The following PLBD1 variants were observed in gnomAD, a reference collection of about 807,000 sequenced individuals.
PLBD1 encodes the protein phospholipase B domain containing 1.
PLBD1 carries 60 observed loss-of-function variants against 63.0 expected under a neutral mutation model. The observed-to-expected ratio is 0.95, with a 90% CI of 0.77 to 1.18. The LOEUF (loss-of-function observed/expected upper bound fraction) is 1.18. Among genes scored for constraint, PLBD1 ranks in the 50% most tolerant of loss-of-function variants. The pLI is 0.00. For missense variants in PLBD1, 598 were observed against 677.9 expected, an observed-to-expected ratio of 0.88 and a Z score of 1.31; for synonymous variants, 262 against 248.0, an observed-to-expected ratio of 1.06 and a Z score of -0.53.
At chr12:14,547,746 C>T (rs987883488) in intron 2 of PLBD1, among the ~76,000 whole-genome samples, 1 of 152,160 alleles carries the variant, frequency 6.6e-6, no homozygotes, top group Admixed American at 6.5e-5. Flanking sequence ...AATAACACAT[C>T]ATTTAGCACC....
chr12:14,557,835 A>T (rs1350958868), intron 1 of PLBD1, among the ~76,000 whole-genome samples: 1 of 152,092 alleles, frequency 6.6e-6, no homozygotes, highest in Admixed American at 6.5e-5. Context: ...TTAAAATAAA[A>T]GTTAAAAACA....
intron 6 of PLBD1, among the ~76,000 whole-genome samples, chr12:14,529,904 C>A (rs1945445889): frequency 6.6e-6 from 1 of 152,148 alleles, no homozygotes; most frequent in Non-Finnish European, 1.5e-5. Context: ...AGAAAGATCT[C>A]AGGATAATAA....
intron 6 of PLBD1, among the ~76,000 whole-genome samples, chr12:14,520,762 A>G (rs946398919): frequency 1.3e-5 from 2 of 152,194 alleles, no homozygotes; most frequent in Non-Finnish European, 2.9e-5. Context: ...CAGTCTCCCT[A>G]CGGAGAAAAC....
At chr12:14,566,446 GA>G (rs1945782561) in intron 1 of PLBD1, among the ~76,000 whole-genome samples, 1 of 152,162 alleles carries the variant, frequency 6.6e-6, no homozygotes, top group African/African-American at 2.4e-5. Context: ...GGTCAGCACA[GA>G]AAAGGGGATT....
intron 6 of PLBD1, among the ~76,000 whole-genome samples, chr12:14,525,778 C>A (rs1302650118): frequency 6.6e-6 from 1 of 151,806 alleles, no homozygotes; most frequent in Non-Finnish European, 1.5e-5. Flanking sequence ...AATCATAACA[C>A]CATATTGGTG....
chr12:14,531,089 T>A (rs1260244283), intron 6 of PLBD1: 2 of 152,200 alleles, frequency 1.3e-5, no homozygotes, highest in African/African-American at 2.4e-5. Flanking sequence ...TATTTAAAAA[T>A]TCATCAGTAC....
intron 6 of PLBD1, among the ~76,000 whole-genome samples, chr12:14,521,623 G>A (rs1408325887): frequency 5.3e-5 from 8 of 151,996 alleles, no homozygotes; most frequent in Admixed American, 1.3e-4. Context: ...CTCCACAACC[G>A]ACACCTTAGG....
chr12:14,536,476 T>A, intron 5 of PLBD1, 94 bp downstream of exon 5: 5 of 1,375,534 alleles, frequency 3.6e-6, no homozygotes, highest in Non-Finnish European at 4.0e-6. Flanking sequence ...TATACAGTTA[T>A]AGCCAGGGGT....
Position 14,561,046 on chromosome 12 carries a change from G to A in PLBD1, c.115+6536C>T, listed in dbSNP as rs377389859. ...GTGATTTCAGAGACGCCCTGAGGTG[G>A]AAATTAAGAGATTTCTACAGTGAGG... On this transcript the variant is annotated intron_variant, in intron 1 of 10. Transcript: ENST00000240617. Among the ~76,000 whole-genome samples the A allele has an allele frequency of 2.7e-4, 41 of 151,840 alleles. No homozygotes were observed. In the East Asian group the frequency reaches 4.5e-3, roughly 16 times the overall value.
intron 6 of PLBD1, among the ~76,000 whole-genome samples, chr12:14,532,526 G>A (rs1174395131): frequency 1.3e-5 from 2 of 152,150 alleles, no homozygotes; most frequent in Non-Finnish European, 2.9e-5. Flanking sequence ...TGTGACCACC[G>A]TTCTGACAGC....
intron 2 of PLBD1, among the ~76,000 whole-genome samples, chr12:14,550,119 C>G (rs767255431): frequency 3.3e-5 from 5 of 152,234 alleles, no homozygotes; most frequent in Non-Finnish European, 7.3e-5. Flanking sequence ...GCCTACAACT[C>G]ACTTCTTCCA....
intron 1 of PLBD1, among the ~76,000 whole-genome samples, chr12:14,562,739 C>A (rs1267857571): frequency 6.6e-6 from 1 of 152,122 alleles, no homozygotes; most frequent in Non-Finnish European, 1.5e-5. Flanking sequence ...AACCTAAATG[C>A]ATAAAAATTA....
At chr12:14,551,945 A>G (rs1186944358) in intron 2 of PLBD1, among the ~76,000 whole-genome samples, 1 of 152,254 alleles carries the variant, frequency 6.6e-6, no homozygotes, top group African/African-American at 2.4e-5. Flanking sequence ...TTATAAATCT[A>G]TGAATAGTAC....
chr12:14,537,893 C>CAA, intron 4 of PLBD1, among the ~76,000 whole-genome samples: 1 of 151,954 alleles, frequency 6.6e-6, no homozygotes, highest in East Asian at 1.9e-4. Flanking sequence ...TCCTCCTTTA[C>CAA]CTGTTCTCCA....
chr12:14,510,045 G>A (rs1187894847), intron 8 of PLBD1, among the ~76,000 whole-genome samples: 2 of 151,950 alleles, frequency 1.3e-5, no homozygotes, highest in East Asian at 3.9e-4. Context: ...CAGTCTCTTT[G>A]GGAAACACCT....
At chr12:14,567,473 G>A (rs1454098375) in intron 1 of PLBD1, 109 bp downstream of exon 1, 9 of 1,358,494 alleles carry the variant, frequency 6.6e-6, no homozygotes, top group Non-Finnish European at 8.5e-6. Context: ...AGTTCACCCA[G>A]GAACCAGACG....
chr12:14,523,734 C>A (rs1339792564), intron 6 of PLBD1, among the ~76,000 whole-genome samples: 3 of 152,096 alleles, frequency 2.0e-5, no homozygotes, highest in Admixed American at 2.0e-4. Flanking sequence ...GGAAAAAATT[C>A]TCTTTGATAA....
chr12:14,545,884 G>T (rs1002849477), intron 2 of PLBD1, among the ~76,000 whole-genome samples: 6 of 151,692 alleles, frequency 4.0e-5, no homozygotes, highest in Non-Finnish European at 7.4e-5. Flanking sequence ...TTTACATATA[G>T]TTTATGCTGT....
rs994516677 is a variant in PLBD1 at position 14,538,057 on chromosome 12, A to G, written c.559-1347T>C. ...TCTTGTAAATAAAATTTTTAAAAAC[A>G]TACATGGTAGTGTGTCATATGTGCT... On this transcript the variant is annotated intron_variant, in intron 4 of 10. Coordinates refer to ENST00000240617, the MANE Select transcript of PLBD1 (RefSeq NM_024829.6). Among the ~76,000 whole-genome samples the G allele has an allele frequency of 4.6e-5, 7 of 152,194 alleles. 1 individual carries two copies. The highest frequency in any genetic ancestry group is 1.7e-4 in the African/African-American group (7 of 41,542).
Sources: allele counts gnomAD v4.1 joint callset (sites outside exome capture counted in the v4.1 genomes callset), GRCh38; gene constraint gnomAD v4.1.1; transcripts MANE v1.5; gene names NCBI Gene and HGNC (gene_info 2026-07-23, HGNC 2026-07-21).